The following RBKS variants were observed in gnomAD, a reference collection of about 807,000 sequenced individuals.
RBKS encodes ribokinase.
Under a neutral mutation model 33.9 loss-of-function variants are expected in RBKS, and 33 were observed. The ratio of observed to expected loss-of-function variants is 0.97; its 90% CI spans 0.74 to 1.30. RBKS has a LOEUF of 1.30. RBKS is among the 50% of genes most tolerant of loss of function. RBKS has a pLI of 0.00. For missense variants in RBKS, 361 were observed against 392.6 expected (o/e 0.92, Z 0.68); for synonymous variants, 125 against 143.0 (o/e 0.87, Z 0.90).
At chr2:27,840,445 T>C (rs998238681) in intron 5 of RBKS, among the ~76,000 whole-genome samples, 2 of 149,758 alleles carry the variant, frequency 1.3e-5, no homozygotes, top group Admixed American at 6.7e-5. Context: ...ATCTACCAAA[T>C]AGGGACCAGC....
chr2:27,851,062 A>G (rs1663736500), intron 2 of RBKS, among the ~76,000 whole-genome samples: 1 of 152,170 alleles, frequency 6.6e-6, no homozygotes, highest in Non-Finnish European at 1.5e-5. Context: ...ATACTTCTGA[A>G]CTGAACTTCT....
rs539971365 is a variant in RBKS at position 27,886,522 on chromosome 2, G to A, written c.89+3735C>T. On this transcript the variant is annotated intron_variant, in intron 1 of 7. Coordinates refer to ENST00000302188, the MANE Select transcript of RBKS (RefSeq NM_022128.3). The stretch of plus-strand genomic sequence containing the variant: ...CAGACTACAAGCTATCAAATGTACT[G>A]TAGATGAAAAGGGCAATAAACACTA... Among the ~76,000 whole-genome samples, 23 of 152,254 alleles carry A rather than the reference G, an allele frequency of 1.5e-4. No homozygotes were observed. The South Asian group carries it at 4.6e-3, about 30-fold the overall frequency.
intron 7 of RBKS, among the ~76,000 whole-genome samples, chr2:27,822,379 G>C (rs1320601333): frequency 6.6e-6 from 1 of 152,194 alleles, no homozygotes; most frequent in Non-Finnish European, 1.5e-5. Flanking sequence ...AGTTGGGAAT[G>C]ATGGCCCCTC....
intron 1 of RBKS, among the ~76,000 whole-genome samples, chr2:27,878,006 A>C (rs553132922): frequency 7.0e-5 from 10 of 142,630 alleles, no homozygotes; most frequent in Non-Finnish European, 1.5e-4. Flanking sequence ...TTTTGCCTTT[A>C]ATCAGTTTAT....
At chr2:27,828,808 G>A (rs1678366741) in intron 6 of RBKS, among the ~76,000 whole-genome samples, 1 of 151,940 alleles carries the variant, frequency 6.6e-6, no homozygotes, top group Non-Finnish European at 1.5e-5. Context: ...ACATGTTGTT[G>A]CTTTGATTCT....
intron 7 of RBKS, among the ~76,000 whole-genome samples, chr2:27,794,010 G>A (rs1420972362): frequency 6.6e-5 from 10 of 152,142 alleles, no homozygotes; most frequent in African/African-American, 2.2e-4. Context: ...TATTAAAGAA[G>A]TTTTGGGGGC....
intron 5 of RBKS, among the ~76,000 whole-genome samples, chr2:27,835,586 T>G (rs1678503547): frequency 1.6e-5 from 1 of 64,002 alleles, no homozygotes; most frequent in Admixed American, 2.0e-4. Context: ...CTTGGGCAAT[T>G]TTTTTTTTTT....
chr2:27,853,332 C>T (rs1663788386), intron 2 of RBKS, among the ~76,000 whole-genome samples: 1 of 137,736 alleles, frequency 7.3e-6, no homozygotes, highest in Non-Finnish European at 1.5e-5. Flanking sequence ...CGTAGTACTA[C>T]AGCCCAGGCA....
At chr2:27,858,912 G>T (rs1663917544) in intron 1 of RBKS, among the ~76,000 whole-genome samples, 1 of 152,104 alleles carries the variant, frequency 6.6e-6, no homozygotes, top group Non-Finnish European at 1.5e-5. Flanking sequence ...TTTAATAAAT[G>T]GGATGAAATT....
chr2:27,788,114 T>C (rs1469211507), intron 7 of RBKS, among the ~76,000 whole-genome samples: 2 of 152,058 alleles, frequency 1.3e-5, no homozygotes, highest in Admixed American at 6.6e-5. Flanking sequence ...TTATGAAAAA[T>C]CTACAGCTAA....
chr2:27,878,328 A>G (rs1215870450), intron 1 of RBKS, among the ~76,000 whole-genome samples: 4 of 151,464 alleles, frequency 2.6e-5, no homozygotes, highest in African/African-American at 4.9e-5. Flanking sequence ...ATGATTTCCA[A>G]TTTCATCCAT....
intron 2 of RBKS, among the ~76,000 whole-genome samples, chr2:27,848,382 A>G (rs1663665757): frequency 6.6e-6 from 1 of 152,146 alleles, no homozygotes; most frequent in Non-Finnish European, 1.5e-5. Flanking sequence ...ACTGAGATAG[A>G]GTTATCTACC....
intron 7 of RBKS, among the ~76,000 whole-genome samples, chr2:27,802,940 A>G (rs1031099549): frequency 6.6e-6 from 1 of 152,200 alleles, no homozygotes; most frequent in African/African-American, 2.4e-5. Context: ...TGCCGCTTAC[A>G]CAAGAGCCTA....
chr2:27,836,592 G>C (rs367700115), intron 5 of RBKS, among the ~76,000 whole-genome samples: 2 of 152,146 alleles, frequency 1.3e-5, no homozygotes, highest in African/African-American at 2.4e-5. Context: ...CATTGGCAAA[G>C]AATTTTTGGC....
At chr2:27,813,192 C>T (rs1038841520) in intron 7 of RBKS, among the ~76,000 whole-genome samples, 3 of 152,254 alleles carry the variant, frequency 2.0e-5, no homozygotes, top group Admixed American at 1.3e-4. Context: ...TCAACCTAGA[C>T]TACATAGGAT....
intron 7 of RBKS, among the ~76,000 whole-genome samples, chr2:27,820,855 A>G (rs994475067): frequency 1.3e-5 from 2 of 152,122 alleles, no homozygotes; most frequent in African/African-American, 4.8e-5. Flanking sequence ...AGCCTGACCA[A>G]CATGGTGAAA....
intron 5 of RBKS, among the ~76,000 whole-genome samples, chr2:27,838,176 G>C (rs1426981291): frequency 6.6e-6 from 1 of 152,114 alleles, no homozygotes; most frequent in Non-Finnish European, 1.5e-5. Flanking sequence ...CTCCAGCCTG[G>C]GCGGGCAGAA....
intron 1 of RBKS, among the ~76,000 whole-genome samples, chr2:27,883,164 G>A (rs538375947): frequency 4.1e-4 from 62 of 151,390 alleles, no homozygotes; most frequent in African/African-American, 1.4e-3. Flanking sequence ...ACTAAGACAA[G>A]ACAAGCAGTA....
At chr2:27,858,678 A>G in intron 1 of RBKS, 107 bp from the exon 2 acceptor site, 1 of 921,660 alleles carries the variant, frequency 1.1e-6, no homozygotes, top group Non-Finnish European at 1.6e-6. Context: ...AATAGTCTTA[A>G]CAATTAGAAC....
Sources: gnomAD v4.1 joint callset for allele counts (sites outside exome capture counted in the v4.1 genomes callset) on GRCh38, gnomAD v4.1.1 for gene constraint, MANE v1.5 for transcripts, NCBI Gene and HGNC (gene_info 2026-07-23, HGNC 2026-07-21) for gene names.